Variants in EIF4G3 observed in about 807,000 individuals in gnomAD.
The protein encoded by EIF4G3 is eIF-4-gamma 3.
Under a neutral mutation model 186.4 loss-of-function variants are expected in EIF4G3, and 34 were observed. The ratio of observed to expected loss-of-function variants is 0.18; its 90% confidence interval spans 0.14 to 0.24. EIF4G3 has a LOEUF of 0.24. Ranked by LOEUF, EIF4G3 falls within the 10% of genes least tolerant of loss-of-function variation. The pLI is 1.00. For missense variants in EIF4G3, 1,536 were observed against 1,948.5 expected (o/e 0.79, Z 3.99); for synonymous variants, 673 against 679.5 (o/e 0.99, Z 0.15).
intron 4 of EIF4G3, among the ~76,000 whole-genome samples, chr1:21,009,011 T>C (rs2154569638): frequency 6.6e-6 from 1 of 152,290 alleles, no homozygotes; most frequent in Middle Eastern, 3.4e-3. Context: ...ATCTCTATCA[T>C]CTTAGAGCTG....
chr1:21,016,610 G>A (rs1294066790), intron 4 of EIF4G3, among the ~76,000 whole-genome samples: 1 of 152,100 alleles, frequency 6.6e-6, no homozygotes, highest in Non-Finnish European at 1.5e-5. Flanking sequence ...AGTGAGCCAT[G>A]ATCGCGTCAC....
chr1:20,807,656 A>G (rs1030193034), intron 36 of EIF4G3, among the ~76,000 whole-genome samples, 156 bp from the exon 37 acceptor site: 2 of 152,188 alleles, frequency 1.3e-5, no homozygotes, highest in African/African-American at 4.8e-5. Context: ...TGACAGTATA[A>G]ACAGCCCAAC....
In EIF4G3 at chr1:21,176,338, T is replaced by C. The variant is rs2098106981; in HGVS notation, c.-435A>G. ...GCCGCCGCTCCGGTGCCGGGTCCGG[T>C]TCCTGCTGCAGTCGCTGTGCCTGAT... On this transcript the variant is annotated 5_prime_UTR_variant, in exon 2 of 37. Transcript: ENST00000602326. The C allele has an allele frequency of 8.1e-6, 2 of 245,870 alleles. No homozygotes were observed. Among genetic ancestry groups the C allele is most frequent in the Non-Finnish European group, 7.4e-6 (1 of 135,730 alleles). 15.2% of individuals were successfully genotyped at this position (245,870 alleles called of 1,614,324 possible). A position where few individuals can be genotyped will look rare whatever the true frequency, so the allele number is the denominator to read the frequency against.
intron 2 of EIF4G3, among the ~76,000 whole-genome samples, chr1:21,162,302 G>A (rs2097780055): frequency 6.6e-6 from 1 of 151,610 alleles, no homozygotes; most frequent in Admixed American, 6.6e-5. Flanking sequence ...AATACAAATT[G>A]GCCAGGTGTG....
rs368328382 is a variant in EIF4G3, at chr1:21,007,515, T to TAAAAAAAAAAAAAAAAAAAAAAAAAAAA, written c.-66-4708_-66-4707insTTTTTTTTTTTTTTTTTTTTTTTTTTTT. On this transcript the variant is annotated intron_variant, in intron 4 of 36. Coordinates refer to ENST00000602326, the MANE Select transcript of EIF4G3 (RefSeq NM_001391906.1). ...AATATATTCACAATGGGCCCCTCCT[T>TAAAAAAAAAAAAAAAAAAAAAAAAAAAA]AAAAAAAAAAAAAAAAAAAAAACAC... Among the ~76,000 whole-genome samples the TAAAAAAAAAAAAAAAAAAAAAAAAAAAA allele has an allele frequency of 1.3e-4, 2 of 14,886 alleles. 1 individual carries two copies. Among genetic ancestry groups the TAAAAAAAAAAAAAAAAAAAAAAAAAAAA allele is most frequent in the Non-Finnish European group, 3.9e-4 (2 of 5,068 alleles). 9.8% of individuals were successfully genotyped at this position (14,886 alleles called of 152,430 possible).
At chr1:20,904,746 G>A (rs1201853459) in intron 15 of EIF4G3, 137 bp downstream of exon 15, 1 of 481,770 alleles carries the variant, frequency 2.1e-6, no homozygotes, top group Non-Finnish European at 3.6e-6. Context: ...AATATAAAAT[G>A]GACTTAAAAC....
chr1:20,938,125 T>C (rs2095579116), intron 14 of EIF4G3, among the ~76,000 whole-genome samples: 1 of 151,966 alleles, frequency 6.6e-6, no homozygotes. Context: ...GCCTCCAGAA[T>C]AGCTGGGATT....
intron 17 of EIF4G3, among the ~76,000 whole-genome samples, chr1:20,894,108 G>T (rs993741225): frequency 6.6e-6 from 1 of 152,048 alleles, no homozygotes; most frequent in Non-Finnish European, 1.5e-5. Flanking sequence ...ATAAGTCTTA[G>T]AGGAGACATG....
intron 4 of EIF4G3, among the ~76,000 whole-genome samples, chr1:21,031,399 A>T (rs2154571898): frequency 6.6e-6 from 1 of 152,080 alleles, no homozygotes; most frequent in Non-Finnish European, 1.5e-5. Flanking sequence ...AAAAAAAAAA[A>T]AAAGAGGGAG....
intron 18 of EIF4G3, among the ~76,000 whole-genome samples, chr1:20,889,682 G>A (rs2085355724): frequency 6.6e-6 from 1 of 152,002 alleles, no homozygotes; most frequent in African/African-American, 2.4e-5. Context: ...AGTGGAGACG[G>A]GGTTTCACCG....
chr1:21,105,516 C>G (rs908006122), intron 2 of EIF4G3, among the ~76,000 whole-genome samples: 1 of 142,648 alleles, frequency 7.0e-6, no homozygotes, highest in South Asian at 2.3e-4. Context: ...CATATATACC[C>G]CTGAACCTAA....
chr1:21,034,011 G>A (rs185369809), intron 4 of EIF4G3, among the ~76,000 whole-genome samples: 2 of 152,274 alleles, frequency 1.3e-5, no homozygotes, highest in East Asian at 3.9e-4. Flanking sequence ...GGCTGAGATG[G>A]GAGGATCCCT....
At chr1:20,814,019 T>TA (rs1476009395) in intron 34 of EIF4G3, among the ~76,000 whole-genome samples, 1 of 132,576 alleles carries the variant, frequency 7.5e-6, no homozygotes, top group Non-Finnish European at 1.6e-5. Context: ...CGATCTCAGC[T>TA]CACTGCAACC....
chr1:21,124,158 G>A (rs1572907299), intron 2 of EIF4G3, among the ~76,000 whole-genome samples: 1 of 152,076 alleles, frequency 6.6e-6, no homozygotes, highest in African/African-American at 2.4e-5. Flanking sequence ...AGCTGTGGTC[G>A]TGGGCGCCTG....
At chr1:20,909,130 C>T (rs547594537) in intron 14 of EIF4G3, among the ~76,000 whole-genome samples, 9 of 149,840 alleles carry the variant, frequency 6.0e-5, no homozygotes, top group South Asian at 4.2e-4. Context: ...CCAGCCTGGG[C>T]GATCGAGCAA....
At chr1:21,052,707 AGTGCCTGCG>A (rs2094303221) in intron 3 of EIF4G3, among the ~76,000 whole-genome samples, 1 of 152,074 alleles carries the variant, frequency 6.6e-6, no homozygotes, top group Non-Finnish European at 1.5e-5. Flanking sequence ...CAGCCTGCCG[AGTGCCTGCG>A]ATTGCAGGCG....
At chr1:20,860,331 T>C in intron 24 of EIF4G3, 54 bp downstream of exon 24, 5 of 1,606,706 alleles carry the variant, frequency 3.1e-6, no homozygotes, top group Non-Finnish European at 4.3e-6. Flanking sequence ...TAATTCTTAA[T>C]ATGTATTCCT....
intron 3 of EIF4G3, among the ~76,000 whole-genome samples, chr1:21,063,874 T>C (rs1302543594): frequency 4.0e-5 from 5 of 124,060 alleles, no homozygotes; most frequent in Non-Finnish European, 8.8e-5. Flanking sequence ...CACACCCAGC[T>C]AATTTTTTTT....
chr1:21,139,476 A>G (rs1179562726), intron 2 of EIF4G3, among the ~76,000 whole-genome samples: 3 of 152,226 alleles, frequency 2.0e-5, no homozygotes, highest in East Asian at 3.9e-4. Context: ...AAAAAAACTT[A>G]AACAATAGGC....
Sources: allele counts gnomAD v4.1 joint callset (sites outside exome capture counted in the v4.1 genomes callset), GRCh38; gene constraint gnomAD v4.1.1; transcripts MANE v1.5; gene names NCBI Gene and HGNC (gene_info 2026-07-23, HGNC 2026-07-21).